ROBO1: variants seen among roughly 807,000 people sequenced by gnomAD.
The protein encoded by ROBO1 is roundabout homolog 1.
ROBO1 carries 149 observed loss-of-function variants against 195.9 expected under a neutral mutation model. The observed-to-expected ratio is 0.76, with a 90% CI of 0.67 to 0.87. The LOEUF is 0.87. Ranked by LOEUF, ROBO1 falls within the 40% of genes least tolerant of loss-of-function variation. The pLI is 0.00. For synonymous variants in ROBO1, 816 were observed against 733.2 expected (o/e 1.11, Z -1.82); for missense variants, 1,933 against 2,068.3 (o/e 0.93, Z 1.27).
chr3:79,587,765 C>A (rs1943874894), intron 2 of ROBO1, among the ~76,000 whole-genome samples: 1 of 151,662 alleles, frequency 6.6e-6, no homozygotes, highest in African/African-American at 2.4e-5. Context: ...ATCAAGACTT[C>A]TCATCATTCT....
At position 79,182,900 on chromosome 3, in the gene ROBO1, G is replaced by T. The variant is rs903164585; in HGVS notation, c.89-57361C>A. 2.7e-4 allele frequency among the ~76,000 whole-genome samples: 41 copies of T among 151,780 alleles called. 1 individual carries two copies. ...GAGGTTCACCATCTTGGCCAACATGGTGAAACCCTGTCTTTACTAAAATAC... is the reference window on the plus strand; with the variant it reads ...GAGGTTCACCATCTTGGCCAACATGTTGAAACCCTGTCTTTACTAAAATAC... On this transcript the variant is annotated intron_variant, in intron 2 of 30. Coordinates refer to ENST00000464233, the MANE Select transcript of ROBO1 (RefSeq NM_002941.4).
chr3:79,665,614 T>G (rs9825204), intron 1 of ROBO1, among the ~76,000 whole-genome samples: 94,285 of 151,658 alleles, frequency 0.62, 29,840 homozygotes, highest in African/African-American at 0.73. Context: ...TATGATGCAG[T>G]GGTTGTACTC....
chr3:79,613,357 T>C (rs769641798), intron 1 of ROBO1, among the ~76,000 whole-genome samples: 1 of 152,042 alleles, frequency 6.6e-6, no homozygotes, highest in Non-Finnish European at 1.5e-5. Flanking sequence ...ATTAAAGATA[T>C]ATCTTTTAAA....
chr3:79,681,867 TA>T (rs1366221135), intron 1 of ROBO1, among the ~76,000 whole-genome samples: 2 of 152,044 alleles, frequency 1.3e-5, no homozygotes, highest in Admixed American at 6.6e-5. Flanking sequence ...CAGTACGTAA[TA>T]TTAGACGTAT....
rs548722336 is a variant in ROBO1 at position 78,992,473 on chromosome 3, T to C, written c.173-53546A>G. Among the ~76,000 whole-genome samples, 7 of 152,262 alleles carry C rather than the reference T, an allele frequency of 4.6e-5. No homozygotes were observed. The East Asian group carries it at 1.4e-3, about 29-fold the overall frequency. On this transcript the variant is annotated intron_variant, in intron 3 of 30. Transcript: ENST00000464233. Reference sequence around the variant, plus strand: ...ACAATTTTGCCTAAACAAGGAAAAGTAGTCCTGAGTAGAAGCAGACCCTGG... The same window carrying C: ...ACAATTTTGCCTAAACAAGGAAAAGCAGTCCTGAGTAGAAGCAGACCCTGG...
chr3:79,296,964 T>C (rs965420550), intron 2 of ROBO1, among the ~76,000 whole-genome samples: 5 of 152,214 alleles, frequency 3.3e-5, no homozygotes, highest in South Asian at 4.1e-4. Flanking sequence ...ATCAGGACAA[T>C]TGAAAATGTT....
At chr3:79,290,437 AT>A (rs2109025915) in intron 2 of ROBO1, among the ~76,000 whole-genome samples, 1 of 152,114 alleles carries the variant, frequency 6.6e-6, no homozygotes, top group Non-Finnish European at 1.5e-5. Context: ...CCTCTCTTTC[AT>A]TTAATCAACA....
intron 2 of ROBO1, among the ~76,000 whole-genome samples, chr3:79,389,920 G>C (rs2036885119): frequency 6.6e-6 from 1 of 152,070 alleles, no homozygotes; most frequent in Admixed American, 6.6e-5. Flanking sequence ...TTTCATTTAT[G>C]TTTTTTAAGA....
At chr3:78,673,569 T>TAA (rs1708207647) in intron 10 of ROBO1, among the ~76,000 whole-genome samples, 2 of 32,668 alleles carry the variant, frequency 6.1e-5, no homozygotes, top group Non-Finnish European at 1.1e-4. Context: ...ATTTTATATA[T>TAA]ATATATATAT....
intron 3 of ROBO1, among the ~76,000 whole-genome samples, chr3:78,996,496 T>G (rs1443181212): frequency 2.0e-5 from 3 of 152,192 alleles, no homozygotes; most frequent in Non-Finnish European, 4.4e-5. Context: ...TCTCTGCAAG[T>G]CACTGCAACA....
intron 4 of ROBO1, among the ~76,000 whole-genome samples, chr3:78,859,255 GAAGA>G (rs1409334239): frequency 6.6e-6 from 1 of 152,164 alleles, no homozygotes; most frequent in Non-Finnish European, 1.5e-5. Flanking sequence ...CTTAGGTTTT[GAAGA>G]AAGTATAGTT....
chr3:78,823,552 T>C (rs1239119017), intron 4 of ROBO1, among the ~76,000 whole-genome samples: 2 of 152,172 alleles, frequency 1.3e-5, no homozygotes, highest in Non-Finnish European at 2.9e-5. Context: ...GCGGAAAGCA[T>C]GTGTCCAGGC....
intron 3 of ROBO1, among the ~76,000 whole-genome samples, chr3:78,973,380 A>C (rs1244079233): frequency 6.7e-6 from 1 of 148,436 alleles, no homozygotes; most frequent in Non-Finnish European, 1.5e-5. Flanking sequence ...CTTATCTATG[A>C]CTAATACTCA....
intron 26 of ROBO1, among the ~76,000 whole-genome samples, chr3:78,618,939 G>A (rs917510909): frequency 1.3e-5 from 2 of 152,140 alleles, no homozygotes; most frequent in African/African-American, 4.8e-5. Flanking sequence ...ATAGATGACC[G>A]AGAAGGTATA....
intron 2 of ROBO1, among the ~76,000 whole-genome samples, chr3:79,193,657 C>T (rs1183009696): frequency 6.9e-6 from 1 of 145,148 alleles, no homozygotes; most frequent in Non-Finnish European, 1.5e-5. Context: ...GAAATTATTC[C>T]CTACCTTTCT....
chr3:79,606,107 A>G (rs913386334), intron 1 of ROBO1, among the ~76,000 whole-genome samples: 9 of 151,502 alleles, frequency 5.9e-5, no homozygotes, highest in Non-Finnish European at 1.2e-4. Flanking sequence ...TATGTCAATA[A>G]GAGCTTTAAT....
At chr3:79,298,414 C>T (rs1052267515) in intron 2 of ROBO1, among the ~76,000 whole-genome samples, 2 of 152,038 alleles carry the variant, frequency 1.3e-5, no homozygotes, top group African/African-American at 4.8e-5. Context: ...TGATAATATG[C>T]CTCCCCTCAG....
intron 3 of ROBO1, among the ~76,000 whole-genome samples, chr3:79,002,251 C>A (rs1329405462): frequency 3.3e-5 from 5 of 152,098 alleles, no homozygotes; most frequent in Admixed American, 3.3e-4. Context: ...CTCAAGTTGG[C>A]AGCATTGGAA....
intron 2 of ROBO1, among the ~76,000 whole-genome samples, chr3:79,394,162 AACTGGC>A (rs958707639): frequency 2.0e-5 from 3 of 152,158 alleles, no homozygotes; most frequent in Non-Finnish European, 2.9e-5. Flanking sequence ...TTGAAAAAAA[AACTGGC>A]ACATAAGAGA....
Sources: gnomAD v4.1 joint callset for allele counts (sites outside exome capture counted in the v4.1 genomes callset) on GRCh38, gnomAD v4.1.1 for gene constraint, MANE v1.5 for transcripts, NCBI Gene and HGNC (gene_info 2026-07-23, HGNC 2026-07-21) for gene names.